Variants in PEAK1 observed in about 807,000 individuals in gnomAD.
PEAK1 encodes pseudopodium enriched atypical kinase 1.
Under a neutral mutation model 124.7 loss-of-function variants are expected in PEAK1, and 54 were observed. The ratio of observed to expected loss-of-function variants is 0.43; its 90% CI spans 0.35 to 0.54. PEAK1 has a LOEUF of 0.54. PEAK1 is among the 20% of genes least tolerant of loss of function. PEAK1 has a pLI of 0.01. For missense variants in PEAK1, 2,046 were observed against 2,134.5 expected (o/e 0.96, Z 0.82); for synonymous variants, 719 against 760.0 (o/e 0.95, Z 0.89).
At chr15:77,132,982 T>A (rs528142242) in intron 9 of PEAK1, 23 bp downstream of exon 9, 4 of 1,580,976 alleles carry the variant, frequency 2.5e-6, no homozygotes, top group Non-Finnish European at 2.6e-6. Flanking sequence ...AGACTTAACA[T>A]GAGATTTATA....
rs992855397 is a variant in PEAK1, at chr15:77,110,598, T to C, written c.*3558A>G. ...CCAACTGTTAAAATCCTAACCAATA[T>C]GTTTTACTTCTAGCTCCTCAACAGC... On this transcript the variant is annotated 3_prime_UTR_variant, in exon 10 of 10. Coordinates refer to ENST00000682557, the MANE Select transcript of PEAK1 (RefSeq NM_001385026.1). The C allele has an allele frequency of 6.6e-6, 1 of 152,188 alleles. No individual in the cohort carries two copies. The highest frequency in any genetic ancestry group is 1.5e-5 in the Non-Finnish European group (1 of 68,030). 9.4% of individuals were successfully genotyped at this position (152,188 alleles called of 1,614,324 possible). A position where few individuals can be genotyped will look rare whatever the true frequency, so the allele number is the denominator to read the frequency against.
chr15:77,218,233 C>T (rs2059231265), intron 6 of PEAK1, among the ~76,000 whole-genome samples: 1 of 152,118 alleles, frequency 6.6e-6, no homozygotes, highest in East Asian at 1.9e-4. Context: ...GAATATAATG[C>T]TATCTGTAGA....
intron 6 of PEAK1, among the ~76,000 whole-genome samples, chr15:77,247,461 T>C (rs1447677888): frequency 6.7e-6 from 1 of 148,612 alleles, no homozygotes; most frequent in Non-Finnish European, 1.5e-5. Flanking sequence ...TTTAATTTTT[T>C]TTTTCTCTTT....
At chr15:77,326,656 A>G (rs1359626890) in intron 2 of PEAK1, among the ~76,000 whole-genome samples, 1 of 152,232 alleles carries the variant, frequency 6.6e-6, no homozygotes, top group East Asian at 1.9e-4. Context: ...TAGATCCAAT[A>G]TCCTAGCAAT....
At chr15:77,304,484 T>C (rs1328242441) in intron 2 of PEAK1, among the ~76,000 whole-genome samples, 1 of 143,354 alleles carries the variant, frequency 7.0e-6, no homozygotes, top group African/African-American at 2.6e-5. Flanking sequence ...AGTCTCGCTC[T>C]GTCTCCCAGG....
chr15:77,247,485 C>CTTTTTTTTTTTTTTTTTTTTTTTTTT (rs398028029), intron 6 of PEAK1, among the ~76,000 whole-genome samples: 1 of 84,310 alleles, frequency 1.2e-5, no homozygotes, highest in Non-Finnish European at 2.1e-5. Flanking sequence ...CTTTTCTTTT[C>CTTTTTTTTTTTTTTTTTTTTTTTTTT]TTTTTTTTTT....
intron 2 of PEAK1, among the ~76,000 whole-genome samples, chr15:77,319,879 C>T (rs2065090377): frequency 6.6e-6 from 1 of 152,094 alleles, no homozygotes; most frequent in Non-Finnish European, 1.5e-5. Context: ...TCTTTGTTTA[C>T]TTTCTTCATT....
chr15:77,339,058 AG>A (rs1170254795), intron 2 of PEAK1, among the ~76,000 whole-genome samples: 2 of 151,966 alleles, frequency 1.3e-5, no homozygotes, highest in Non-Finnish European at 2.9e-5. Context: ...TTCACAAGGG[AG>A]GGTCTCAACT....
chr15:77,347,188 G>A lies in PEAK1; in HGVS notation c.-603+17975C>T, dbSNP rs373885947. 91 of 970,712 alleles carry A rather than the reference G, an allele frequency of 9.4e-5. 1 individual carries two copies. The East Asian group carries it at 3.4e-3, about 37-fold the overall frequency. 60.1% of individuals were successfully genotyped at this position (970,712 alleles called of 1,614,324 possible). A position where few individuals can be genotyped will look rare whatever the true frequency, so the allele number is the denominator to read the frequency against. ...GAGTTTTGTGAACAACGTTAACAACGGCAGAAGATAAGATCTCTTCAAAGT... is the reference window on the plus strand; with the variant it reads ...GAGTTTTGTGAACAACGTTAACAACAGCAGAAGATAAGATCTCTTCAAAGT... On this transcript the variant is annotated intron_variant, in intron 2 of 9. Transcript: ENST00000682557.
chr15:77,107,901 T>C (rs2050777894), downstream of PEAK1: 1 of 152,216 alleles, frequency 6.6e-6, no homozygotes, highest in Non-Finnish European at 1.5e-5. Context: ...TTCTGAGGTC[T>C]GGGAAAAGCA....
intron 5 of PEAK1, among the ~76,000 whole-genome samples, chr15:77,265,303 A>T (rs1017410463): frequency 3.3e-5 from 5 of 152,174 alleles, no homozygotes; most frequent in Non-Finnish European, 5.9e-5. Flanking sequence ...GAAACTACCA[A>T]CAAAGTGAAT....
At chr15:77,248,250 A>C (rs2060686063) in intron 6 of PEAK1, among the ~76,000 whole-genome samples, 1 of 152,168 alleles carries the variant, frequency 6.6e-6, no homozygotes. Context: ...TTGTGGAGTC[A>C]GACAAGCTTA....
chr15:77,300,595 C>T (rs1050948309), intron 2 of PEAK1, among the ~76,000 whole-genome samples: 6 of 152,086 alleles, frequency 3.9e-5, no homozygotes, highest in Non-Finnish European at 5.9e-5. Flanking sequence ...ACCTTTGTCA[C>T]GATTACTAAA....
Position 77,248,066 on chromosome 15 carries a change from G to GT in PEAK1, c.-115+4300dup, listed in dbSNP as rs202122726. On this transcript the variant is annotated intron_variant, in intron 6 of 9. Transcript: ENST00000682557. ...ATATTTCCTTGGTAGTATTAATTTT[G>GT]TTTTTTTTTGGTAGAGATGGGGTCC... is the stretch of plus-strand genomic sequence containing the variant. Among the ~76,000 whole-genome samples, 566 of 149,950 alleles carry GT rather than the reference G, an allele frequency of 3.8e-3. 1 individual carries two copies. The highest frequency in any genetic ancestry group is 0.012 in the African/African-American group (506 of 40,886).
chr15:77,399,289 A>G (rs2071158975), intron 1 of PEAK1, among the ~76,000 whole-genome samples: 1 of 152,166 alleles, frequency 6.6e-6, no homozygotes, highest in Non-Finnish European at 1.5e-5. Flanking sequence ...TATACCAATG[A>G]CATTCTTCAT....
intron 6 of PEAK1, among the ~76,000 whole-genome samples, chr15:77,235,897 T>C (rs2060100404): frequency 6.6e-6 from 1 of 152,234 alleles, no homozygotes; most frequent in Non-Finnish European, 1.5e-5. Flanking sequence ...GAGCCATTGC[T>C]TCAGAGGGTG....
At chr15:77,271,025 T>TAAC (rs748170156) in intron 5 of PEAK1, among the ~76,000 whole-genome samples, 5 of 152,184 alleles carry the variant, frequency 3.3e-5, no homozygotes, top group Non-Finnish European at 4.4e-5. Context: ...TTTTGCATTC[T>TAAC]ACTCATCTGA....
chr15:77,308,757 T>C (rs2064252113), intron 2 of PEAK1, among the ~76,000 whole-genome samples: 1 of 152,134 alleles, frequency 6.6e-6, no homozygotes, highest in Non-Finnish European at 1.5e-5. Flanking sequence ...CTTAATTAAA[T>C]GCTTGCTAAT....
chr15:77,350,061 G>A, intron 2 of PEAK1: 1 of 985,398 alleles, frequency 1.0e-6, no homozygotes, highest in Non-Finnish European at 1.2e-6. Context: ...CACCATGATA[G>A]TTTTCAGATC....
Sources: allele counts gnomAD v4.1 joint callset (sites outside exome capture counted in the v4.1 genomes callset), GRCh38; gene constraint gnomAD v4.1.1; transcripts MANE v1.5; gene names NCBI Gene and HGNC (gene_info 2026-07-23, HGNC 2026-07-21).